Variants in RFPL3 observed in about 807,000 individuals in gnomAD.
RFPL3 encodes the protein ret finger protein-like 3.
A neutral mutation model predicts 8.7 loss-of-function variants in RFPL3; 8 were observed. The ratio of observed to expected loss-of-function variants is 0.92; its 90% confidence interval spans 0.54 to 1.66. The LOEUF (loss-of-function observed/expected upper bound fraction) is 1.66, where lower values mean the gene tolerates loss of function less well. Ranked by LOEUF, RFPL3 falls within the 40% of genes most tolerant of loss-of-function variation. The probability of loss-of-function intolerance (pLI) is 0.00; values close to 1 mark genes in which losing one functional copy is unlikely to be tolerated. For synonymous variants in RFPL3, 145 were observed against 150.5 expected, an observed-to-expected ratio of 0.96 and a Z score of 0.27; for missense variants, 341 against 395.0, an observed-to-expected ratio of 0.86 and a Z score of 1.16.
chr22:32,361,095 A>G lies in RFPL3; in HGVS notation c.*263A>G. The stretch of plus-strand genomic sequence containing the variant: ...CAATTTCCAAATGCTTTACTTTTTC[A>G]TTTCTGTAAGTTCAAATCAATGTTT... On this transcript the variant is annotated 3_prime_UTR_variant, in exon 2 of 2. Coordinates refer to ENST00000249007, the MANE Select transcript of RFPL3 (RefSeq NM_001098535.1). 1 of 343,644 alleles carries G rather than the reference A, an allele frequency of 2.9e-6. No homozygotes were observed. The highest frequency in any genetic ancestry group is 5.2e-6 in the Non-Finnish European group (1 of 192,778). The allele number at this position is 343,644 out of a possible 1,614,324, so 21.3% of individuals were successfully genotyped here. A position where few individuals can be genotyped will look rare whatever the true frequency, so the allele number is the denominator to read the frequency against.
At chr22:32,358,536 T>C in intron 1 of RFPL3, 92 bp downstream of exon 1, 1 of 1,505,824 alleles carries the variant, frequency 6.6e-7, no homozygotes, top group Admixed American at 2.2e-5. Flanking sequence ...GGGGATTAGC[T>C]GCTGTCTGGC....
In RFPL3 at chr22:32,361,101, G is replaced by T; in HGVS notation, c.*269G>T. ...CCAAATGCTTTACTTTTTCATTTCT[G>T]TAAGTTCAAATCAATGTTTAAATTA... On this transcript the variant is annotated 3_prime_UTR_variant, in exon 2 of 2. Transcript: ENST00000249007. 1 of 329,886 alleles carries T rather than the reference G, an allele frequency of 3.0e-6. No homozygotes were observed. Among genetic ancestry groups the T allele is most frequent in the Non-Finnish European group, 5.4e-6 (1 of 184,052 alleles). 20.4% of individuals were successfully genotyped at this position (329,886 alleles called of 1,614,324 possible).
upstream of RFPL3, among the ~76,000 whole-genome samples, chr22:32,355,677 C>T (rs117404428): frequency 3.3e-3 from 500 of 151,138 alleles, 1 homozygote; most frequent in Non-Finnish European, 4.7e-3. Flanking sequence ...TGAAAAGATG[C>T]CTGGCTTTGG....
Position 32,358,063 on chromosome 22 carries a change from C to T in RFPL3, c.-9C>T, listed in dbSNP as rs1157245896. 1 of 1,609,554 alleles carries T rather than the reference C, an allele frequency of 6.2e-7. No homozygotes were observed. The highest frequency in any genetic ancestry group is 8.5e-7 in the Non-Finnish European group (1 of 1,177,644). On this transcript the variant is annotated 5_prime_UTR_variant, in exon 1 of 2. Transcript: ENST00000249007. ...GGAGTGACAAAGCTGGAACACAATACCTCTATGCATGAAAAGGTTGTCACT... is the reference window on the plus strand; with the variant it reads ...GGAGTGACAAAGCTGGAACACAATATCTCTATGCATGAAAAGGTTGTCACT...
At chr22:32,359,998 A>G (rs892656383) in intron 1 of RFPL3, 2 of 510,996 alleles carry the variant, frequency 3.9e-6, no homozygotes, top group African/African-American at 3.8e-5. Context: ...CTAAATGAAG[A>G]AAAGTTCAGT....
upstream of RFPL3, chr22:32,356,585 A>AG (rs1211409196): frequency 1.4e-5 from 3 of 214,158 alleles, no homozygotes; most frequent in African/African-American, 7.2e-5. Flanking sequence ...GTACAAGGAG[A>AG]GGGGCTGGAT....
chr22:32,356,048 C>T (rs1932657840), upstream of RFPL3, among the ~76,000 whole-genome samples: 1 of 151,956 alleles, frequency 6.6e-6, no homozygotes, highest in South Asian at 2.1e-4. Context: ...AGAATTGAGG[C>T]GGGCCCCAAA....
chr22:32,358,301 T>TTTGCTG lies in RFPL3; in HGVS notation c.239_244dup (p.Cys80_Cys81dup). 2 of 1,614,004 alleles carry TTTGCTG rather than the reference T, an allele frequency of 1.2e-6. No individual in the cohort carries two copies. The highest frequency in any genetic ancestry group is 1.7e-6 in the Non-Finnish European group (2 of 1,179,924). On this transcript the variant is annotated inframe_insertion, in exon 1 of 2. Transcript: ENST00000249007. ...AAGGAGCCCCATGGGGAGGATCTGC[T>TTTGCTG]TTGCTGTTGCTGTTCCATGGTCTCT...
rs150412824 is a variant in RFPL3, at chr22:32,358,027, G to C, written c.-45G>C. Reference sequence around the variant, plus strand: ...ATGTGCTTGAGTGTTTGTACTCATGGTCTTGTTCTCGGAGTGACAAAGCTG... The same window carrying C: ...ATGTGCTTGAGTGTTTGTACTCATGCTCTTGTTCTCGGAGTGACAAAGCTG... On this transcript the variant is annotated 5_prime_UTR_variant, in exon 1 of 2. Transcript: ENST00000249007. 1 of 1,590,426 alleles carries C rather than the reference G, an allele frequency of 6.3e-7. No individual in the cohort carries two copies. The highest frequency in any genetic ancestry group is 8.6e-7 in the Non-Finnish European group (1 of 1,167,770).
rs1451482785 is a variant in RFPL3 at position 32,360,242 on chromosome 22, C to A, written c.374-10C>A. ...TCCACTTGCTGAGCAACTTGTTTTC[C>A]TTTTCACAGTGGATATGACCTTGGA... On this transcript the variant is annotated splice_polypyrimidine_tract_variant and intron_variant, in intron 1 of 1. Coordinates refer to ENST00000249007, the MANE Select transcript of RFPL3 (RefSeq NM_001098535.1). The A allele has an allele frequency of 6.2e-7, 1 of 1,604,058 alleles. No individual in the cohort carries two copies. The highest frequency in any genetic ancestry group is 8.5e-7 in the Non-Finnish European group (1 of 1,172,958).
chr22:32,356,145 G>T (rs965089987), upstream of RFPL3, among the ~76,000 whole-genome samples: 3 of 152,178 alleles, frequency 2.0e-5, no homozygotes, highest in African/African-American at 7.2e-5. Context: ...AGAAAAGAGG[G>T]CATTCCAGGG....
rs1488283084 is a variant in RFPL3, at chr22:32,358,196, T to G, written c.125T>G (p.Val42Gly). 4.3e-6 allele frequency: 7 copies of G among 1,613,868 alleles called. No homozygotes were observed. Among genetic ancestry groups the G allele is most frequent in the Non-Finnish European group, 5.1e-6 (6 of 1,179,876 alleles). ...ALFQEASSCP[V>G]CSDYLEKPMS... is the part of the protein sequence containing the mutation. The stretch of plus-strand genomic sequence containing the variant: ...TTCCAAGAAGCAAGCAGCTGTCCCG[T>G]CTGCTCAGACTATCTGGAAAAACCA... The change falls in exon 1 of 2, where the codon GTC becomes GGC. Residue 42 changes from valine (V) to glycine (G), a missense_variant. Coordinates refer to ENST00000249007, the MANE Select transcript of RFPL3 (RefSeq NM_001098535.1).
At chr22:32,358,721 T>TG (rs1212440489) in intron 1 of RFPL3, among the ~76,000 whole-genome samples, 1 of 152,194 alleles carries the variant, frequency 6.6e-6, no homozygotes, top group Non-Finnish European at 1.5e-5. Context: ...AAAATGCAGA[T>TG]GCTGAACTGG....
At position 32,358,076 on chromosome 22, in the gene RFPL3, A is replaced by C; in HGVS notation, c.5A>C (p.Lys2Thr). MKRLSLVTTNRL... is the reference protein window; with the variant it reads MTRLSLVTTNRL... ...TGGAACACAATACCTCTATGCATGA[A>C]AAGGTTGTCACTTGTCACAACTAAC... Residue 2 changes from lysine (K) to threonine (T), a missense_variant, in exon 1 of 2, where the codon AAA becomes ACA. Coordinates refer to ENST00000249007, the MANE Select transcript of RFPL3 (RefSeq NM_001098535.1). 6.2e-7 allele frequency: 1 copy of C among 1,612,546 alleles called. No homozygotes were observed. Among genetic ancestry groups the C allele is most frequent in the Non-Finnish European group, 8.5e-7 (1 of 1,178,946 alleles).
At chr22:32,359,612 G>A (rs1474480712) in intron 1 of RFPL3, among the ~76,000 whole-genome samples, 3 of 151,878 alleles carry the variant, frequency 2.0e-5, no homozygotes, top group African/African-American at 4.8e-5. Flanking sequence ...CTTTCTCTTG[G>A]CTCCAAAATT....
At chr22:32,355,781 CAAAAAA>C (rs5844988), upstream of RFPL3, among the ~76,000 whole-genome samples, 10 of 99,962 alleles carry the variant, frequency 1.0e-4, no homozygotes, top group East Asian at 2.4e-4. Context: ...GACTTTGTCT[CAAAAAA>C]AAAAAAAAAA....
In RFPL3 at chr22:32,360,471, G is replaced by A; in HGVS notation, c.593G>A (p.Arg198Lys). ...ACAGAATGGGACCTGGGAGTCTGCA[G>A]AGAATCTGTTCACTGCAAAGGGAAG... ...TSTEWDLGVCRESVHCKGKIQ... is the reference protein window; with the variant it reads ...TSTEWDLGVCKESVHCKGKIQ... The change falls in exon 2 of 2, where the codon AGA becomes AAA. Residue 198 changes from arginine (R) to lysine (K), a missense_variant. Transcript: ENST00000249007. 6.2e-7 allele frequency: 1 copy of A among 1,613,986 alleles called. No homozygotes were observed. The highest frequency in any genetic ancestry group is 8.5e-7 in the Non-Finnish European group (1 of 1,179,868).
At chr22:32,356,549 T>G, upstream of RFPL3, 1 of 176,798 alleles carries the variant, frequency 5.7e-6, no homozygotes, top group Non-Finnish European at 1.2e-5. Context: ...TGGTTGACGG[T>G]GAGGATATTT....
In RFPL3 at chr22:32,361,083, C is replaced by T; in HGVS notation, c.*251C>T. 2.7e-6 allele frequency: 1 copy of T among 365,212 alleles called. No individual in the cohort carries two copies. Among genetic ancestry groups the T allele is most frequent in the Non-Finnish European group, 4.8e-6 (1 of 207,500 alleles). 22.6% of individuals were successfully genotyped at this position (365,212 alleles called of 1,614,324 possible). ...GTATTCTCGGATCAATTTCCAAATG[C>T]TTTACTTTTTCATTTCTGTAAGTTC... On this transcript the variant is annotated 3_prime_UTR_variant, in exon 2 of 2. Transcript: ENST00000249007.
Sources: gnomAD v4.1 joint callset for allele counts (sites outside exome capture counted in the v4.1 genomes callset) on GRCh38, gnomAD v4.1.1 for gene constraint, MANE v1.5 for transcripts, NCBI Gene and HGNC (gene_info 2026-07-23, HGNC 2026-07-21) for gene names.